MS4A7: variants seen among roughly 807,000 people sequenced by gnomAD.
MS4A7 encodes membrane-spanning 4-domains subfamily A member 7.
A neutral mutation model predicts 23.5 loss-of-function variants in MS4A7; 21 were observed. The observed-to-expected ratio is 0.89, with a 90% confidence interval of 0.63 to 1.29. The LOEUF (loss-of-function observed/expected upper bound fraction) is 1.29, where lower values mean the gene tolerates loss of function less well. Among genes scored for constraint, MS4A7 ranks in the 50% most tolerant of loss-of-function variants. The pLI, the probability that MS4A7 is intolerant of heterozygous loss-of-function variation, is 0.00. For missense variants in MS4A7, 263 were observed against 274.2 expected (o/e 0.96, Z 0.29); for synonymous variants, 111 against 107.4 (o/e 1.03, Z -0.21).
At chr11:60,391,991 G>A (rs1300101410) in intron 5 of MS4A7, among the ~76,000 whole-genome samples, 2 of 150,322 alleles carry the variant, frequency 1.3e-5, no homozygotes, top group Non-Finnish European at 3.0e-5. Context: ...AAAAAGATAT[G>A]TGCATTTGAG....
intron 4 of MS4A7, 97 bp from the exon 5 acceptor site, chr11:60,389,293 G>C (rs537870482): frequency 2.1e-6 from 2 of 965,350 alleles, no homozygotes; most frequent in South Asian, 1.7e-5. Flanking sequence ...GAAGGAAACA[G>C]ACCCAAGGAA....
rs2135112258 is a variant in MS4A7, at chr11:60,394,259, T to C, written c.*398T>C. 1 of 155,260 alleles carries C rather than the reference T, an allele frequency of 6.4e-6. No individual in the cohort carries two copies. Among genetic ancestry groups the C allele is most frequent in the East Asian group, 1.9e-4 (1 of 5,328 alleles). 9.6% of individuals were successfully genotyped at this position (155,260 alleles called of 1,614,324 possible). ...TACATATTAGGGATTGTAAGAAAAC[T>C]TTAATTAAAAATTAAAGACTATATA... On this transcript the variant is annotated 3_prime_UTR_variant, in exon 7 of 7. Transcript: ENST00000300184.
intron 5 of MS4A7, among the ~76,000 whole-genome samples, chr11:60,390,849 A>C (rs1210304852): frequency 1.3e-5 from 2 of 152,356 alleles, no homozygotes; most frequent in East Asian, 3.8e-4. Flanking sequence ...AACAAAAGTA[A>C]TGAAATTTTA....
At chr11:60,386,906 T>C (rs1590794020) in intron 4 of MS4A7, 133 bp downstream of exon 4, 1 of 717,686 alleles carries the variant, frequency 1.4e-6, no homozygotes, top group East Asian at 2.9e-5. Context: ...GCCCAGGTTT[T>C]CCTGGCTGTC....
intron 2 of MS4A7, among the ~76,000 whole-genome samples, chr11:60,384,629 C>T (rs2085464341): frequency 6.6e-6 from 1 of 152,162 alleles, no homozygotes; most frequent in East Asian, 1.9e-4. Context: ...TTCAGTTCTT[C>T]CACTTGCGAA....
intron 6 of MS4A7, among the ~76,000 whole-genome samples, chr11:60,393,170 G>A (rs1034816325): frequency 9.2e-5 from 14 of 152,148 alleles, no homozygotes; most frequent in African/African-American, 3.1e-4. Context: ...AGGACACTCT[G>A]GTCATCTGGG....
chr11:60,389,677 C>T (rs1460365563), intron 5 of MS4A7, 81 bp downstream of exon 5: 1 of 1,390,606 alleles, frequency 7.2e-7, no homozygotes, highest in African/African-American at 1.4e-5. Context: ...TTCTGGCAGT[C>T]TCTGGTTGGT....
At chr11:60,391,949 A>G (rs1359200844) in intron 5 of MS4A7, among the ~76,000 whole-genome samples, 3 of 64,536 alleles carry the variant, frequency 4.6e-5, no homozygotes, top group Non-Finnish European at 8.9e-5. Context: ...AGAAACCAAA[A>G]TGGAAAAAAA....
chr11:60,388,099 T>C (rs937246062), intron 4 of MS4A7, among the ~76,000 whole-genome samples: 8 of 152,258 alleles, frequency 5.3e-5, no homozygotes, highest in African/African-American at 1.9e-4. Context: ...ATTCATGTGC[T>C]GAGTCTTTGA....
At chr11:60,387,167 C>A (rs945388793) in intron 4 of MS4A7, among the ~76,000 whole-genome samples, 21 of 152,174 alleles carry the variant, frequency 1.4e-4, no homozygotes, top group Non-Finnish European at 1.5e-5. Flanking sequence ...TCTTGGGGTT[C>A]TTTTTGATGC....
chr11:60,384,695 G>A (rs1233784484), intron 2 of MS4A7, among the ~76,000 whole-genome samples: 1 of 152,216 alleles, frequency 6.6e-6, no homozygotes, highest in Non-Finnish European at 1.5e-5. Flanking sequence ...CAGCAGAAGA[G>A]ATGACCTGCT....
intron 2 of MS4A7, 96 bp downstream of exon 2, chr11:60,383,384 C>A: frequency 7.1e-7 from 1 of 1,417,198 alleles, no homozygotes; most frequent in Non-Finnish European, 9.6e-7. Flanking sequence ...CTCTTTCACT[C>A]TTTTCTGGCT....
intron 2 of MS4A7, 92 bp downstream of exon 2, chr11:60,383,380 C>G: frequency 1.4e-6 from 2 of 1,456,668 alleles, no homozygotes; most frequent in Non-Finnish European, 1.9e-6. Flanking sequence ...GAAACTCTTT[C>G]ACTCTTTTCT....
chr11:60,386,249 G>A (rs1042472495), intron 3 of MS4A7, among the ~76,000 whole-genome samples: 2 of 151,988 alleles, frequency 1.3e-5, no homozygotes, highest in East Asian at 1.9e-4. Context: ...CACTTTCCTC[G>A]ACTCCCATTC....
rs773867695 is a variant in MS4A7, at chr11:60,395,234, C to G, written c.*1373C>G. 17 of 277,696 alleles carry G rather than the reference C, an allele frequency of 6.1e-5. No individual in the cohort carries two copies. The highest frequency in any genetic ancestry group is 1.0e-4 in the Admixed American group (2 of 19,328). The allele number at this position is 277,696 out of a possible 1,614,324, so 17.2% of individuals were successfully genotyped here. A position where few individuals can be genotyped will look rare whatever the true frequency, so the allele number is the denominator to read the frequency against. The stretch of plus-strand genomic sequence containing the variant: ...TCTGTGTGAGCCTCTGCATTAAACT[C>G]GATTTCTTGGGCAATTATGGAAATT... On this transcript the variant is annotated 3_prime_UTR_variant, in exon 7 of 7. Coordinates refer to ENST00000300184, the MANE Select transcript of MS4A7 (RefSeq NM_021201.5).
At chr11:60,388,505 A>T (rs1198371393) in intron 4 of MS4A7, among the ~76,000 whole-genome samples, 1 of 152,312 alleles carries the variant, frequency 6.6e-6, no homozygotes, top group African/African-American at 2.4e-5. Context: ...AGCTTCAATC[A>T]TCAGGAGCAT....
intron 1 of MS4A7, among the ~76,000 whole-genome samples, chr11:60,381,355 T>C (rs540376231): frequency 1.5e-3 from 227 of 152,290 alleles, no homozygotes; most frequent in Non-Finnish European, 2.4e-3. Context: ...AAGAGAACTT[T>C]AGGTTTAATA....
At chr11:60,393,566 T>A (rs1442247091) in intron 6 of MS4A7, among the ~76,000 whole-genome samples, 1 of 152,204 alleles carries the variant, frequency 6.6e-6, no homozygotes, top group Non-Finnish European at 1.5e-5. Flanking sequence ...TTTATAGAAT[T>A]TGGATGAATT....
chr11:60,386,344 G>A (rs1297465081), intron 3 of MS4A7, among the ~76,000 whole-genome samples: 1 of 152,132 alleles, frequency 6.6e-6, no homozygotes, highest in Non-Finnish European at 1.5e-5. Context: ...GAGTGCTTCT[G>A]TTGGCTGTTC....
Sources: gnomAD v4.1 joint callset for allele counts (sites outside exome capture counted in the v4.1 genomes callset) on GRCh38, gnomAD v4.1.1 for gene constraint, MANE v1.5 for transcripts, NCBI Gene and HGNC (gene_info 2026-07-23, HGNC 2026-07-21) for gene names.